Variants in SORD observed in about 807,000 individuals in gnomAD.
SORD encodes sorbitol dehydrogenase.
A neutral mutation model predicts 35.6 loss-of-function variants in SORD; 18 were observed. That is an observed-to-expected ratio of 0.51 (90% CI 0.35 to 0.75). SORD has a LOEUF of 0.75. SORD is among the 30% of genes least tolerant of loss of function. SORD has a pLI of 0.01. For synonymous variants in SORD, 106 were observed against 152.9 expected (o/e 0.69, Z 2.26); for missense variants, 250 against 390.2 (o/e 0.64, Z 3.03).
intron 4 of SORD, among the ~76,000 whole-genome samples, chr15:45,062,501 G>C (rs1440338252): frequency 6.6e-6 from 1 of 151,896 alleles, no homozygotes; most frequent in African/African-American, 2.4e-5. Flanking sequence ...GATGGGGCTT[G>C]TCCGGTGGAG....
In SORD at chr15:45,061,061, C is replaced by G. The variant is rs759055283; in HGVS notation, c.266-6C>G. On this transcript the variant is annotated splice_region_variant and splice_polypyrimidine_tract_variant and intron_variant, in intron 3 of 8. Transcript: ENST00000267814. ...GACATGGTGCCATCTTTGTTTTCCT[C>G]TCCAGGTGATCGTGTTGCCATCGAG... 3 of 1,614,148 alleles carry G rather than the reference C, an allele frequency of 1.9e-6. No individual in the cohort carries two copies. In the South Asian group the frequency reaches 3.3e-5, roughly 18 times the overall value.
chr15:45,059,826 A>G (rs969052797), intron 3 of SORD, among the ~76,000 whole-genome samples: 5 of 152,238 alleles, frequency 3.3e-5, no homozygotes, highest in African/African-American at 1.2e-4. Context: ...ACATAGATCA[A>G]TCTGAAAAGC....
At chr15:45,068,821 G>A (rs1465112322) in intron 6 of SORD, 56 bp from the exon 7 acceptor site, 1 of 1,402,086 alleles carries the variant, frequency 7.1e-7, no homozygotes. Flanking sequence ...TTCCTAATGA[G>A]TCATCAGATT....
chr15:45,042,802 T>C (rs7167302), intron 2 of SORD, among the ~76,000 whole-genome samples: 22,761 of 150,608 alleles, frequency 0.15, 1,844 homozygotes, highest in African/African-American at 0.24. Flanking sequence ...TATGTATGTA[T>C]GTGTGTATGT....
chr15:45,042,111 G>A (rs1892975192), intron 2 of SORD, among the ~76,000 whole-genome samples: 1 of 152,076 alleles, frequency 6.6e-6, no homozygotes, highest in Non-Finnish European at 1.5e-5. Flanking sequence ...TTTCAGGGAG[G>A]TATTCATAAC....
At chr15:45,030,178 C>T (rs1413657815) in intron 1 of SORD, among the ~76,000 whole-genome samples, 7 of 152,194 alleles carry the variant, frequency 4.6e-5, no homozygotes, top group Admixed American at 3.3e-4. Flanking sequence ...ACTGGGTACC[C>T]ACCCCTATCT....
At chr15:45,032,350 A>C (rs2437856) in intron 1 of SORD, among the ~76,000 whole-genome samples, 1 of 152,160 alleles carries the variant, frequency 6.6e-6, no homozygotes, top group African/African-American at 2.4e-5. Flanking sequence ...AGAAGGAAAA[A>C]AAGACTCCAT....
intron 1 of SORD, chr15:45,036,210 G>C (rs1384728230): frequency 2.5e-6 from 1 of 402,600 alleles, no homozygotes; most frequent in African/African-American, 2.1e-5. Context: ...CAATGCGAGG[G>C]TCCGCAGCTT....
intron 3 of SORD, among the ~76,000 whole-genome samples, chr15:45,045,585 A>AAAATTAC (rs1893035594): frequency 6.6e-6 from 1 of 151,542 alleles, no homozygotes; most frequent in Non-Finnish European, 1.5e-5. Context: ...AGTGAACAAC[A>AAAATTAC]AAATTACAGA....
At chr15:45,055,386 C>A (rs951462927) in intron 3 of SORD, among the ~76,000 whole-genome samples, 2 of 152,170 alleles carry the variant, frequency 1.3e-5, no homozygotes, top group Non-Finnish European at 2.9e-5. Flanking sequence ...ACTAGAAAAT[C>A]TAGAAGAAAT....
chr15:45,047,599 T>G (rs1324596652), intron 3 of SORD, among the ~76,000 whole-genome samples: 1 of 152,220 alleles, frequency 6.6e-6, no homozygotes. Context: ...CAGGACTTGA[T>G]CCCACCATTA....
intron 1 of SORD, among the ~76,000 whole-genome samples, chr15:45,029,303 C>G (rs1892730133): frequency 1.3e-5 from 2 of 152,280 alleles, no homozygotes; most frequent in South Asian, 4.1e-4. Context: ...CTGTGAAAGA[C>G]CATGAGGCAC....
intron 7 of SORD, among the ~76,000 whole-genome samples, chr15:45,069,453 G>A (rs1488064380): frequency 1.3e-5 from 2 of 151,770 alleles, no homozygotes; most frequent in South Asian, 2.1e-4. Flanking sequence ...CTCATGATCC[G>A]CCCTCCTCGG....
chr15:45,071,220 T>C (rs1893507772), intron 7 of SORD, among the ~76,000 whole-genome samples: 2 of 152,156 alleles, frequency 1.3e-5, no homozygotes, highest in South Asian at 4.1e-4. Flanking sequence ...ACTGCTGGCA[T>C]CTTGGCAGCT....
intron 1 of SORD, among the ~76,000 whole-genome samples, chr15:45,040,172 T>C (rs1424063757): frequency 2.6e-5 from 4 of 151,792 alleles, no homozygotes; most frequent in Non-Finnish European, 4.4e-5. Flanking sequence ...GGCATGCTGC[T>C]GTTGGGTCCG....
chr15:45,039,792 A>C (rs187552099), intron 1 of SORD, among the ~76,000 whole-genome samples: 2 of 152,152 alleles, frequency 1.3e-5, no homozygotes, highest in Admixed American at 1.3e-4. Context: ...AGCGGGAAAC[A>C]TCCTCACGTG....
chr15:45,063,789 A>C lies in SORD; in HGVS notation c.426-1482A>C, dbSNP rs369106192. Reference sequence around the variant, plus strand: ...TGTGGAGTCCCTGAGAGAGTTTAGGAATCTTCACGATTTCATTTTCACCTT... The same window carrying C: ...TGTGGAGTCCCTGAGAGAGTTTAGGCATCTTCACGATTTCATTTTCACCTT... On this transcript the variant is annotated intron_variant, in intron 4 of 8. Coordinates refer to ENST00000267814, the MANE Select transcript of SORD (RefSeq NM_003104.6). Among the ~76,000 whole-genome samples, 1,180 of 151,088 alleles carry C rather than the reference A, an allele frequency of 7.8e-3. 4 individuals are homozygous for C. Among genetic ancestry groups the C allele is most frequent in the Non-Finnish European group, 9.9e-3 (675 of 67,864 alleles).
At chr15:45,048,502 G>C (rs568741595) in intron 3 of SORD, among the ~76,000 whole-genome samples, 12 of 152,194 alleles carry the variant, frequency 7.9e-5, no homozygotes, top group Middle Eastern at 3.4e-3. Context: ...TGAGCCTGGG[G>C]GTTTGAGACT....
At chr15:45,056,084 C>G (rs1893210305) in intron 3 of SORD, among the ~76,000 whole-genome samples, 1 of 147,206 alleles carries the variant, frequency 6.8e-6, no homozygotes, top group Admixed American at 6.8e-5. Context: ...TGGCACAAGA[C>G]AGGGATGCCC....
Sources: gnomAD v4.1 joint callset for allele counts (sites outside exome capture counted in the v4.1 genomes callset) on GRCh38, gnomAD v4.1.1 for gene constraint, MANE v1.5 for transcripts, NCBI Gene and HGNC (gene_info 2026-07-23, HGNC 2026-07-21) for gene names.